ZNF254: variants seen among roughly 807,000 people sequenced by gnomAD.
ZNF254 encodes CTD-2017D11.1.
Under a neutral mutation model 12.4 loss-of-function variants are expected in ZNF254, and 10 were observed. The observed-to-expected ratio is 0.80, with a 90% CI of 0.50 to 1.36. The LOEUF (loss-of-function observed/expected upper bound fraction) is 1.36. Among genes scored for constraint, ZNF254 ranks in the 40% most tolerant of loss-of-function variants. The pLI is 0.00. For synonymous variants in ZNF254, 305 were observed against 253.4 expected (o/e 1.20, Z -1.93); for missense variants, 996 against 763.9 (o/e 1.30, Z -3.58).
At chr19:24,073,908 C>T (rs1428819568) in intron 2 of ZNF254, among the ~76,000 whole-genome samples, 1 of 152,210 alleles carries the variant, frequency 6.6e-6, no homozygotes, top group Admixed American at 6.5e-5. Flanking sequence ...TTGCAACATA[C>T]ACCTCTGACC....
chr19:24,121,219 A>G (rs1003552410), intron 3 of ZNF254, among the ~76,000 whole-genome samples: 1 of 151,790 alleles, frequency 6.6e-6, no homozygotes, highest in South Asian at 2.1e-4. Context: ...CTCACCTTTT[A>G]TCTTCAAGTA....
intron 2 of ZNF254, among the ~76,000 whole-genome samples, chr19:24,050,204 G>A (rs1970593351): frequency 6.6e-6 from 1 of 151,874 alleles, no homozygotes; most frequent in Non-Finnish European, 1.5e-5. Flanking sequence ...CTGTCACCTA[G>A]GATGGAGTGC....
At chr19:24,040,931 A>G (rs1599568201) in intron 1 of ZNF254, among the ~76,000 whole-genome samples, 1 of 152,234 alleles carries the variant, frequency 6.6e-6, no homozygotes, top group Admixed American at 6.5e-5. Flanking sequence ...CTGGAGAGCA[A>G]CATCAGCATT....
intron 2 of ZNF254, among the ~76,000 whole-genome samples, chr19:24,059,224 T>C (rs1336012202): frequency 6.6e-6 from 1 of 152,216 alleles, no homozygotes; most frequent in Non-Finnish European, 1.5e-5. Flanking sequence ...TGTTTAATAT[T>C]ATCTCCTCCC....
intron 1 of ZNF254, among the ~76,000 whole-genome samples, chr19:24,036,779 T>G (rs1166648756): frequency 6.6e-6 from 1 of 152,136 alleles, no homozygotes; most frequent in African/African-American, 2.4e-5. Context: ...ACTGAGGGCT[T>G]GGAAGAAAGA....
chr19:24,046,373 T>TATAAATATATATATATATATA, intron 2 of ZNF254: 1 of 95,508 alleles, frequency 1.0e-5, no homozygotes, highest in Non-Finnish European at 2.1e-5. Flanking sequence ...TTATTATTTT[T>TATAAATATATATATATATATA]TATATATATA....
chr19:24,043,527 G>T (rs776263024), intron 1 of ZNF254, among the ~76,000 whole-genome samples: 1 of 152,112 alleles, frequency 6.6e-6, no homozygotes, highest in Non-Finnish European at 1.5e-5. Flanking sequence ...CTCCTAAAGT[G>T]CTGGGATTAC....
At chr19:24,083,256 T>C (rs1261133619), upstream of ZNF254, among the ~76,000 whole-genome samples, 1 of 152,092 alleles carries the variant, frequency 6.6e-6, no homozygotes, top group East Asian at 1.9e-4. Context: ...TTATCCCTAA[T>C]GAAGGCCATG....
intron 3 of ZNF254, among the ~76,000 whole-genome samples, chr19:24,120,717 C>T (rs997200649): frequency 6.6e-6 from 1 of 152,016 alleles, no homozygotes; most frequent in African/African-American, 2.4e-5. Flanking sequence ...GGCTGGAGTG[C>T]AGCGGGACAA....
At chr19:24,083,426 AT>A (rs1328484166), upstream of ZNF254, among the ~76,000 whole-genome samples, 5 of 152,186 alleles carry the variant, frequency 3.3e-5, no homozygotes, top group Non-Finnish European at 7.3e-5. Context: ...TCCTATGAAA[AT>A]AACATCATAA....
intron 2 of ZNF254, among the ~76,000 whole-genome samples, chr19:24,071,617 C>A (rs888615941): frequency 6.6e-6 from 1 of 152,178 alleles, no homozygotes; most frequent in Non-Finnish European, 1.5e-5. Context: ...CTTCATTTTT[C>A]AGGAAGTATT....
intron 2 of ZNF254, among the ~76,000 whole-genome samples, chr19:24,059,605 C>G (rs1206965218): frequency 7.1e-6 from 1 of 141,504 alleles, no homozygotes; most frequent in Non-Finnish European, 1.5e-5. Flanking sequence ...ACTCTTTTCT[C>G]CTGCCTAAAC....
At chr19:24,072,321 A>G (rs1188726676) in intron 2 of ZNF254, among the ~76,000 whole-genome samples, 2 of 152,004 alleles carry the variant, frequency 1.3e-5, no homozygotes, top group African/African-American at 2.4e-5. Context: ...AGAGGCATGC[A>G]CCACCACACC....
At position 24,049,211 on chromosome 19, in the gene ZNF254, TA is replaced by T. The variant is rs1432513797; in HGVS notation, c.-94+2933del. On this transcript the variant is annotated intron_variant, in intron 2 of 4. Transcript: ENST00000613065. ...ATATATATATATATATATATATATA[TA>T]TATTTTTTTTTTTTTTTTAATTTAT... Among the ~76,000 whole-genome samples the T allele has an allele frequency of 9.9e-3, 531 of 53,826 alleles. 4 individuals carry two copies. The highest frequency in any genetic ancestry group is 0.017 in the Non-Finnish European group (421 of 24,370). 35.3% of individuals were successfully genotyped at this position (53,826 alleles called of 152,430 possible).
At chr19:24,084,366 G>A (rs1442878581), upstream of ZNF254, among the ~76,000 whole-genome samples, 1 of 151,696 alleles carries the variant, frequency 6.6e-6, no homozygotes, top group African/African-American at 2.4e-5. Flanking sequence ...AGAATGCAAT[G>A]GCATAAGAAT....
Position 24,126,361 on chromosome 19 carries a change from C to A in ZNF254, c.361C>A (p.Gln121Lys), listed in dbSNP as rs908779809. The A allele has an allele frequency of 6.2e-7, 1 of 1,608,736 alleles. No homozygotes were observed. Among genetic ancestry groups the A allele is most frequent in the Non-Finnish European group, 8.5e-7 (1 of 1,177,946 alleles). ...RYGKYGHENL[Q>K]LRKGCKSVDE... ...TGGAAAATATGGACATGAGAATTTA[C>A]AGTTAAGAAAAGGCTGTAAAAGTGT... Residue 121 changes from glutamine (Q) to lysine (K), a missense_variant, in exon 4 of 4, where the codon CAG (glutamine) becomes AAG (lysine). Gln to Lys is a moderately conservative substitution (Grantham distance 53). Transcript: ENST00000357002.
chr19:24,078,098 G>A (rs111812194), intron 2 of ZNF254, among the ~76,000 whole-genome samples: 1,571 of 152,284 alleles, frequency 0.01, 13 homozygotes, highest in Non-Finnish European at 0.015. Flanking sequence ...GAGTGCAGTG[G>A]CATGATCTTG....
chr19:24,120,406 T>C (rs905451849), intron 3 of ZNF254, among the ~76,000 whole-genome samples: 1 of 152,086 alleles, frequency 6.6e-6, no homozygotes, highest in Admixed American at 6.6e-5. Context: ...AATATAAAAA[T>C]TATACCTCTG....
At chr19:24,119,116 A>G (rs1369780876) in intron 3 of ZNF254, among the ~76,000 whole-genome samples, 2 of 151,938 alleles carry the variant, frequency 1.3e-5, no homozygotes, top group Non-Finnish European at 2.9e-5. Flanking sequence ...TGACTTCAAA[A>G]ACAAAAAAAG....
Sources: gnomAD v4.1 joint callset for allele counts (sites outside exome capture counted in the v4.1 genomes callset) on GRCh38, gnomAD v4.1.1 for gene constraint, MANE v1.5 for transcripts, NCBI Gene and HGNC (gene_info 2026-07-23, HGNC 2026-07-21) for gene names.